The following TECRL variants were observed in gnomAD, a reference collection of about 807,000 sequenced individuals.
The protein encoded by TECRL is trans-2,3-enoyl-CoA reductase like, also known as trans-2,3-enoyl-CoA reductase-like.
Under a neutral mutation model 52.8 loss-of-function variants are expected in TECRL, and 63 were observed. The ratio of observed to expected loss-of-function variants is 1.19; its 90% CI spans 0.97 to 1.47. TECRL has a LOEUF of 1.47. Among genes scored for constraint, TECRL ranks in the 40% most tolerant of loss-of-function variants. The pLI is 0.00. For missense variants in TECRL, 482 were observed against 429.6 expected (o/e 1.12, Z -1.08); for synonymous variants, 164 against 141.9 (o/e 1.16, Z -1.10).
chr4:64,349,873 G>T (rs1720260213), intron 2 of TECRL, among the ~76,000 whole-genome samples: 1 of 152,024 alleles, frequency 6.6e-6, no homozygotes. Flanking sequence ...GTAATAGTGT[G>T]GTTGAAAACA....
chr4:64,355,713 T>G (rs1171808343), intron 2 of TECRL, among the ~76,000 whole-genome samples: 1 of 148,346 alleles, frequency 6.7e-6, no homozygotes. Context: ...GAGAATGGCG[T>G]GAAGCTGGGA....
At chr4:64,290,027 A>C (rs993765503) in intron 8 of TECRL, among the ~76,000 whole-genome samples, 1 of 152,162 alleles carries the variant, frequency 6.6e-6, no homozygotes, top group East Asian at 1.9e-4. Context: ...TCAAGTTTAA[A>C]CTGTCTTGTT....
At chr4:64,296,863 T>C (rs1434350219) in intron 8 of TECRL, among the ~76,000 whole-genome samples, 1 of 151,626 alleles carries the variant, frequency 6.6e-6, no homozygotes, top group Non-Finnish European at 1.5e-5. Flanking sequence ...GCATCTAAAA[T>C]TTGTGTGGAA....
At chr4:64,304,970 T>A in intron 7 of TECRL, 196 bp downstream of exon 7, 2 of 388,504 alleles carry the variant, frequency 5.1e-6, no homozygotes, top group Non-Finnish European at 4.6e-6. Flanking sequence ...GTGGTTCGTG[T>A]AGAAACAAAA....
intron 4 of TECRL, among the ~76,000 whole-genome samples, chr4:64,317,370 CTTAAACT>C (rs1717577631): frequency 6.6e-6 from 1 of 151,806 alleles, no homozygotes; most frequent in Non-Finnish European, 1.5e-5. Flanking sequence ...AGCCCATGTG[CTTAAACT>C]GTGCTTAATG....
chr4:64,281,087 C>T lies in TECRL; in HGVS notation c.919-1G>A, dbSNP rs770770506. ...CTGTGAAACTAATCCATGATCCAAT[C>T]TGTTATATTAAAACTTAAATTAGCA... On this transcript the variant is annotated splice_acceptor_variant, in intron 10 of 11. Transcript: ENST00000381210. LOFTEE classifies it high-confidence loss of function. The T allele has an allele frequency of 6.3e-7, 1 of 1,598,240 alleles. No individual in the cohort carries two copies. Among genetic ancestry groups the T allele is most frequent in the Non-Finnish European group, 8.5e-7 (1 of 1,170,192 alleles).
At chr4:64,306,367 G>A (rs1239859884) in intron 6 of TECRL, among the ~76,000 whole-genome samples, 8 of 152,094 alleles carry the variant, frequency 5.3e-5, no homozygotes, top group Admixed American at 1.3e-4. Flanking sequence ...AAGGTATCTG[G>A]CTGAGGCTAG....
chr4:64,398,752 G>A (rs879446550), intron 1 of TECRL, among the ~76,000 whole-genome samples: 3 of 152,182 alleles, frequency 2.0e-5, no homozygotes, highest in Non-Finnish European at 2.9e-5. Flanking sequence ...AACAGGTAGA[G>A]GTTGGAAGAG....
At chr4:64,380,670 A>G (rs1722725795) in intron 1 of TECRL, among the ~76,000 whole-genome samples, 1 of 152,040 alleles carries the variant, frequency 6.6e-6, no homozygotes, top group South Asian at 2.1e-4. Flanking sequence ...TCTTTTCTTC[A>G]ATGTATATTG....
In TECRL at chr4:64,278,502, G is replaced by T. The variant is rs1722659721; in HGVS notation, c.*1570C>A. On this transcript the variant is annotated 3_prime_UTR_variant, in exon 12 of 12. Coordinates refer to ENST00000381210, the MANE Select transcript of TECRL (RefSeq NM_001010874.5). ...TTATTTTTTGAGCGACATAAGAATTGAACATATTTGGGAGATACATAATAA... is the reference window on the plus strand; with the variant it reads ...TTATTTTTTGAGCGACATAAGAATTTAACATATTTGGGAGATACATAATAA... The T allele has an allele frequency of 4.2e-6, 1 of 236,282 alleles. No homozygotes were observed. The highest frequency in any genetic ancestry group is 6.5e-5 in the Admixed American group (1 of 15,336). 14.6% of individuals were successfully genotyped at this position (236,282 alleles called of 1,614,324 possible).
intron 1 of TECRL, among the ~76,000 whole-genome samples, chr4:64,405,781 A>G (rs1027582796): frequency 2.6e-5 from 4 of 152,148 alleles, no homozygotes; most frequent in African/African-American, 9.6e-5. Flanking sequence ...AGAATCAGCA[A>G]TAAGGAAAGG....
At chr4:64,351,576 G>A (rs1459573970) in intron 2 of TECRL, among the ~76,000 whole-genome samples, 2 of 151,970 alleles carry the variant, frequency 1.3e-5, no homozygotes, top group African/African-American at 4.8e-5. Flanking sequence ...CCCAGCCAAA[G>A]GGACAACTTT....
chr4:64,285,847 G>T (rs1470997630), intron 9 of TECRL, among the ~76,000 whole-genome samples: 1 of 151,978 alleles, frequency 6.6e-6, no homozygotes, highest in African/African-American at 2.4e-5. Context: ...GGCATCATGT[G>T]GAAGCTTAAA....
At position 64,406,155 on chromosome 4, in the gene TECRL, C is replaced by CGTGT. The variant is rs1553923370; in HGVS notation, c.234+2962_234+2963insACAC. On this transcript the variant is annotated intron_variant, in intron 1 of 11. Coordinates refer to ENST00000381210, the MANE Select transcript of TECRL (RefSeq NM_001010874.5). ...AGCTTTTTTATTTGTTAGGCGCGCGCGCGCGCGCGCGTGTGTGTGTGTGTG... is the reference window on the plus strand; with the variant it reads ...AGCTTTTTTATTTGTTAGGCGCGCGCGTGTGCGCGCGCGCGTGTGTGTGTGTGTG... Among the ~76,000 whole-genome samples, 123 of 100,992 alleles carry CGTGT rather than the reference C, an allele frequency of 1.2e-3. 1 individual carries two copies. The highest frequency in any genetic ancestry group is 2.5e-3 in the Admixed American group (23 of 9,132). 66.3% of individuals were successfully genotyped at this position (100,992 alleles called of 152,430 possible).
chr4:64,368,938 C>G (rs1721802268), intron 2 of TECRL, among the ~76,000 whole-genome samples: 1 of 152,172 alleles, frequency 6.6e-6, no homozygotes, highest in South Asian at 2.1e-4. Context: ...TGCATTCCAA[C>G]TGTCACAATA....
chr4:64,396,845 G>T (rs1298357708), intron 1 of TECRL, among the ~76,000 whole-genome samples: 1 of 152,062 alleles, frequency 6.6e-6, no homozygotes, highest in East Asian at 1.9e-4. Flanking sequence ...GCGACAGGAA[G>T]GTGTCCAGTT....
chr4:64,331,069 G>C (rs1177239180), intron 2 of TECRL, among the ~76,000 whole-genome samples: 1 of 152,012 alleles, frequency 6.6e-6, no homozygotes, highest in East Asian at 1.9e-4. Context: ...TGCACATTGG[G>C]AATCTATATA....
At chr4:64,364,073 G>A (rs1434781754) in intron 2 of TECRL, among the ~76,000 whole-genome samples, 2 of 151,868 alleles carry the variant, frequency 1.3e-5, no homozygotes, top group Non-Finnish European at 2.9e-5. Flanking sequence ...TCAGAGCACA[G>A]CAAAATAAAA....
intron 3 of TECRL, among the ~76,000 whole-genome samples, chr4:64,326,265 C>T (rs1282435364): frequency 6.6e-6 from 1 of 152,056 alleles, no homozygotes; most frequent in East Asian, 1.9e-4. Flanking sequence ...TCATTTTAAA[C>T]ATTAGAAATT....
Sources: allele counts gnomAD v4.1 joint callset (sites outside exome capture counted in the v4.1 genomes callset), GRCh38; gene constraint gnomAD v4.1.1; transcripts MANE v1.5; gene names NCBI Gene and HGNC (gene_info 2026-07-23, HGNC 2026-07-21).